NRSN1: variants seen among roughly 807,000 people sequenced by gnomAD.
The protein encoded by NRSN1 is neurensin-1.
NRSN1 carries 14 observed loss-of-function variants against 17.3 expected under a neutral mutation model. The ratio of observed to expected loss-of-function variants is 0.81; its 90% CI spans 0.54 to 1.27. The LOEUF (loss-of-function observed/expected upper bound fraction) is 1.27, where lower values mean the gene tolerates loss of function less well. NRSN1 is among the 50% of genes most tolerant of loss of function. NRSN1 has a pLI of 0.00. For missense variants in NRSN1, 209 were observed against 235.9 expected (o/e 0.89, Z 0.75); for synonymous variants, 79 against 94.2 (o/e 0.84, Z 0.93).
chr6:24,138,583 T>C (rs1232067707), intron 3 of NRSN1, among the ~76,000 whole-genome samples: 2 of 152,134 alleles, frequency 1.3e-5, no homozygotes, highest in Non-Finnish European at 2.9e-5. Flanking sequence ...TAATATGTCA[T>C]GGAGGCATTT....
chr6:24,147,095 C>T lies in NRSN1; in HGVS notation c.*1149C>T, dbSNP rs1760319488. The T allele has an allele frequency of 6.6e-6, 1 of 152,188 alleles. No homozygotes were observed. 9.4% of individuals were successfully genotyped at this position (152,188 alleles called of 1,614,324 possible). A position where few individuals can be genotyped will look rare whatever the true frequency, so the allele number is the denominator to read the frequency against. ...ACTGAGTCAGCAGCCTTCACACCAT[C>T]TACCCTTAAATATCCAACCCCAGCA... On this transcript the variant is annotated 3_prime_UTR_variant, in exon 4 of 4. Transcript: ENST00000378491.
chr6:24,141,131 C>G (rs1276712009), intron 3 of NRSN1: 4 of 1,295,044 alleles, frequency 3.1e-6, no homozygotes, highest in Non-Finnish European at 3.9e-6. Context: ...TCCAACTCTT[C>G]TGTGTGGCCC....
Position 24,146,811 on chromosome 6 carries a change from A to T in NRSN1, c.*865A>T, listed in dbSNP as rs1760315073. On this transcript the variant is annotated 3_prime_UTR_variant, in exon 4 of 4. Coordinates refer to ENST00000378491, the MANE Select transcript of NRSN1 (RefSeq NM_080723.5). ...ATCTATTTATGCAGTGTTCAAAAGT[A>T]CTGAATTAGAAACCAGGAAGTTTTA... The T allele has an allele frequency of 6.6e-6, 1 of 152,560 alleles. No individual in the cohort carries two copies. The highest frequency in any genetic ancestry group is 1.5e-5 in the Non-Finnish European group (1 of 68,328). 9.5% of individuals were successfully genotyped at this position (152,560 alleles called of 1,614,324 possible).
At position 24,147,236 on chromosome 6, in the gene NRSN1, G is replaced by C. The variant is rs1251574122; in HGVS notation, c.*1290G>C. On this transcript the variant is annotated 3_prime_UTR_variant, in exon 4 of 4. Coordinates refer to ENST00000378491, the MANE Select transcript of NRSN1 (RefSeq NM_080723.5). ...TTTTCATTCTCAAACAAGATGCTTT[G>C]TTCTCCAACAAGATGTTCATCTCAT... 1 of 152,084 alleles carries C rather than the reference G, an allele frequency of 6.6e-6. No homozygotes were observed. Among genetic ancestry groups the C allele is most frequent in the Non-Finnish European group, 1.5e-5 (1 of 68,020 alleles). The allele number at this position is 152,084 out of a possible 1,614,324, so 9.4% of individuals were successfully genotyped here.
rs917917700 is a variant in NRSN1, at chr6:24,145,818, T to A, written c.460T>A (p.Phe154Ile). 2.5e-6 allele frequency: 4 copies of A among 1,613,914 alleles called. No homozygotes were observed. In the African/African-American group the frequency reaches 5.3e-5, roughly 22 times the overall value. ...AGAAGAAAAATTCCTCCAGCAGAAG[T>A]TTAAAGAACGAATCGCAGACATCAA... The part of the protein sequence containing the change: ...SKEEKFLQQK[F>I]KERIADIKAH... The change falls in exon 4 of 4, where the codon TTT becomes ATT. Residue 154 changes from phenylalanine to isoleucine, a missense_variant. Phe to Ile is a conservative substitution (Grantham distance 21). Transcript: ENST00000378491. This position sits in a 1 kb window ranked among gnomAD's most constrained non-coding sequence, Gnocchi z 4.4.
At position 24,145,592 on chromosome 6, in the gene NRSN1, T is replaced by A. The variant is rs1760290316; in HGVS notation, c.234T>A (p.Thr78=). Reference sequence around the variant, plus strand: ...CAGTTTTTGTGATCCTCGGATTGACTGTTCTGGCAGTGGGCTTTCTTGTGC... The same window carrying A: ...CAGTTTTTGTGATCCTCGGATTGACAGTTCTGGCAGTGGGCTTTCTTGTGC... ...SGTVFVILGL[T]VLAVGFLVPP... is the part of the protein sequence containing the mutation. The change falls in exon 4 of 4, where the codon ACT becomes ACA. Residue 78 remains threonine (T), a synonymous_variant. Coordinates refer to ENST00000378491, the MANE Select transcript of NRSN1 (RefSeq NM_080723.5). This position sits in a 1 kb window ranked among gnomAD's most constrained non-coding sequence, Gnocchi z 4.4. 1 of 1,609,740 alleles carries A rather than the reference T, an allele frequency of 6.2e-7. No homozygotes were observed. The highest frequency in any genetic ancestry group is 8.5e-7 in the Non-Finnish European group (1 of 1,177,264).
intron 2 of NRSN1, among the ~76,000 whole-genome samples, chr6:24,131,023 A>T (rs1760019470): frequency 6.6e-6 from 1 of 152,216 alleles, no homozygotes; most frequent in South Asian, 2.1e-4. Flanking sequence ...TAGGTAGCAC[A>T]AAACAGACCA....
intron 3 of NRSN1, chr6:24,141,149 G>C: frequency 1.6e-6 from 2 of 1,272,094 alleles, no homozygotes; most frequent in Non-Finnish European, 1.0e-6. Flanking sequence ...CCCTAAACGA[G>C]GCTGCTTTGC....
chr6:24,142,782 G>C (rs1485019717), intron 3 of NRSN1, among the ~76,000 whole-genome samples: 1 of 152,150 alleles, frequency 6.6e-6, no homozygotes, highest in Non-Finnish European at 1.5e-5. Context: ...AGGTAGTGCG[G>C]ACCCAGAGTC....
At chr6:24,138,375 T>C (rs1388407087) in intron 3 of NRSN1, among the ~76,000 whole-genome samples, 1 of 152,152 alleles carries the variant, frequency 6.6e-6, no homozygotes, top group Non-Finnish European at 1.5e-5. Flanking sequence ...TGGTGGAATT[T>C]TTTTTCATAT....
At chr6:24,134,559 AT>A in intron 3 of NRSN1, 43 bp downstream of exon 3, 1 of 1,526,278 alleles carries the variant, frequency 6.6e-7, no homozygotes, top group Non-Finnish European at 9.0e-7. Context: ...TGGAAAAATT[AT>A]TGGACATGGT....
intron 3 of NRSN1, among the ~76,000 whole-genome samples, chr6:24,136,458 A>C (rs1760119379): frequency 6.6e-6 from 1 of 152,160 alleles, no homozygotes; most frequent in East Asian, 1.9e-4. Flanking sequence ...ATGAATCCTT[A>C]CTGGCTTTAG....
intron 3 of NRSN1, 53 bp downstream of exon 3, chr6:24,134,569 G>A (rs1177378475): frequency 2.1e-5 from 30 of 1,433,474 alleles, no homozygotes; most frequent in Non-Finnish European, 2.7e-5. Context: ...ATTGGACATG[G>A]TTAATACTGC....
rs182450666 is a variant in NRSN1, at chr6:24,132,350, G to A, written c.-9-1969G>A. Among the ~76,000 whole-genome samples the A allele has an allele frequency of 3.2e-4, 49 of 152,230 alleles. No individual in the cohort carries two copies. In the South Asian group the frequency reaches 4.8e-3, roughly 15 times the overall value. On this transcript the variant is annotated intron_variant, in intron 2 of 3. Transcript: ENST00000378491. ...TAGGCATTTGATGGGACTGTAGATC[G>A]ATATTTTTCTTTTGTAGATAAACAT...
At position 24,145,453 on chromosome 6, in the gene NRSN1, CT is replaced by C; in HGVS notation, c.190-94del. 1 of 910,754 alleles carries C rather than the reference CT, an allele frequency of 1.1e-6. No homozygotes were observed. The highest frequency in any genetic ancestry group is 1.6e-6 in the Non-Finnish European group (1 of 628,142). 56.4% of individuals were successfully genotyped at this position (910,754 alleles called of 1,614,324 possible). ...GGGGTAACTGGGAATATTCATTTCT[CT>C]CAAGAAACAAGACAAGTGCTGCCCT... On this transcript the variant is annotated intron_variant, in intron 3 of 3. Transcript: ENST00000378491. This position sits in a 1 kb window ranked among gnomAD's most constrained non-coding sequence, Gnocchi z 4.4.
At chr6:24,131,311 C>T (rs766281292) in intron 2 of NRSN1, among the ~76,000 whole-genome samples, 4 of 152,162 alleles carry the variant, frequency 2.6e-5, no homozygotes, top group East Asian at 1.9e-4. Context: ...ATATATCACA[C>T]GGTCCTTCTC....
At chr6:24,127,910 CTCAT>C (rs1335675637) in intron 1 of NRSN1, among the ~76,000 whole-genome samples, 1 of 152,116 alleles carries the variant, frequency 6.6e-6, no homozygotes, top group Non-Finnish European at 1.5e-5. Flanking sequence ...TTTATGTCAT[CTCAT>C]TCACTTTATA....
chr6:24,133,828 T>TTTG (rs34811949), intron 2 of NRSN1, among the ~76,000 whole-genome samples: 3,117 of 151,914 alleles, frequency 0.021, 99 homozygotes, highest in African/African-American at 0.072. Context: ...GAAAGACAGG[T>TTTG]TTGTTGTTGT....
In NRSN1 at chr6:24,145,425, T is replaced by G; in HGVS notation, c.190-123T>G. On this transcript the variant is annotated intron_variant, in intron 3 of 3. Coordinates refer to ENST00000378491, the MANE Select transcript of NRSN1 (RefSeq NM_080723.5). The surrounding 1 kb of genome is among the most constrained non-coding windows in gnomAD (Gnocchi z 4.4). ...AAATTAAGTAAGTGTTTCCTGCAAA[T>G]TTGGGGTAACTGGGAATATTCATTT... is the stretch of plus-strand genomic sequence containing the variant. 1.5e-6 allele frequency: 1 copy of G among 667,268 alleles called. No individual in the cohort carries two copies. Among genetic ancestry groups the G allele is most frequent in the South Asian group, 3.3e-5 (1 of 30,266 alleles). 41.3% of individuals were successfully genotyped at this position (667,268 alleles called of 1,614,324 possible). A position where few individuals can be genotyped will look rare whatever the true frequency, so the allele number is the denominator to read the frequency against.
Sources: gnomAD v4.1 joint callset for allele counts (sites outside exome capture counted in the v4.1 genomes callset) on GRCh38, gnomAD v4.1.1 for gene constraint, Gnocchi (gnomAD v3.1) non-coding constraint, MANE v1.5 for transcripts, NCBI Gene and HGNC (gene_info 2026-07-23, HGNC 2026-07-21) for gene names.